The following RUBCN variants were observed in gnomAD, a reference collection of about 807,000 sequenced individuals.
RUBCN encodes the protein run domain Beclin-1-interacting and cysteine-rich domain-containing protein.
In RUBCN, 74 loss-of-function variants were observed where a neutral mutation model predicts 113.2. The ratio of observed to expected loss-of-function variants is 0.65; its 90% CI spans 0.54 to 0.79. The LOEUF is 0.79. Ranked by LOEUF, RUBCN falls within the 30% of genes least tolerant of loss-of-function variation. The pLI is 0.00. For missense variants in RUBCN, 1,109 were observed against 1,251.7 expected (o/e 0.89, Z 1.72); for synonymous variants, 480 against 490.0 (o/e 0.98, Z 0.27).
intron 2 of RUBCN, among the ~76,000 whole-genome samples, chr3:197,709,799 T>C (rs750214445): frequency 1.3e-5 from 2 of 152,118 alleles, no homozygotes; most frequent in Admixed American, 6.6e-5. Flanking sequence ...CCAAATAAAT[T>C]ACAGATGGAA....
chr3:197,683,412 A>G lies in RUBCN; in HGVS notation c.1875T>C (p.Ser625=). Residue 625 remains serine, a synonymous_variant, in exon 13 of 20, where the codon TCT becomes TCC. Transcript: ENST00000296343. This position sits in a 1 kb window ranked among gnomAD's most constrained non-coding sequence, Gnocchi z 4.6. ...GGAGCCCCATGGCCACCGCCTCAGC[A>G]GACGTGGAGTGCAGGAAGCAGTGGG... ...SFSHCFLHST[S]AEAVAMGLLK... 6.2e-7 allele frequency: 1 copy of G among 1,614,184 alleles called. No homozygotes were observed. The highest frequency in any genetic ancestry group is 8.5e-7 in the Non-Finnish European group (1 of 1,180,034).
intron 1 of RUBCN, among the ~76,000 whole-genome samples, chr3:197,743,748 G>A (rs1383813612): frequency 1.3e-5 from 2 of 152,224 alleles, no homozygotes; most frequent in African/African-American, 4.8e-5. Context: ...AACTTTGGGA[G>A]GCCGAGGTGG....
rs1048720624 is a variant in RUBCN, at chr3:197,681,003, G to A, written c.2430+126C>T. 7 of 637,298 alleles carry A rather than the reference G, an allele frequency of 1.1e-5. No homozygotes were observed. The highest frequency in any genetic ancestry group is 1.9e-5 in the African/African-American group (1 of 52,218). The allele number at this position is 637,298 out of a possible 1,614,324, so 39.5% of individuals were successfully genotyped here. A position where few individuals can be genotyped will look rare whatever the true frequency, so the allele number is the denominator to read the frequency against. On this transcript the variant is annotated intron_variant, in intron 16 of 19. Transcript: ENST00000296343. The surrounding 1 kb of genome is among the most constrained non-coding windows in gnomAD (Gnocchi z 5.5). ...AGGGGAGGGGACAAGGAGAGGAGAC[G>A]AGGGGAGGGGATGGGGGGAGGGGAC...
rs552070050 is a variant in RUBCN at position 197,703,979 on chromosome 3, G to A, written c.464-325C>T. Among the ~76,000 whole-genome samples, 45 of 152,278 alleles carry A rather than the reference G, an allele frequency of 3.0e-4. 1 individual carries two copies. The highest frequency in any genetic ancestry group is 2.5e-3 in the South Asian group (12 of 4,818). On this transcript the variant is annotated intron_variant, in intron 4 of 19. Transcript: ENST00000296343. The stretch of plus-strand genomic sequence containing the variant: ...TGTGAAGATACTGGACAGCAGTGAC[G>A]GGCACACAGGAAACTCGTGGTAAAT...
chr3:197,683,291 A>G lies in RUBCN; in HGVS notation c.1980+16T>C. ...TCACGATGGCCCCTGGGTAGGAAGAAGAGCTAAGGACCTACCTTCTGAGGG... is the reference window on the plus strand; with the variant it reads ...TCACGATGGCCCCTGGGTAGGAAGAGGAGCTAAGGACCTACCTTCTGAGGG... On this transcript the variant is annotated intron_variant, in intron 13 of 19. Transcript: ENST00000296343. This position sits in a 1 kb window ranked among gnomAD's most constrained non-coding sequence, Gnocchi z 4.6. 5 of 1,614,184 alleles carry G rather than the reference A, an allele frequency of 3.1e-6. No homozygotes were observed. Among genetic ancestry groups the G allele is most frequent in the Non-Finnish European group, 4.2e-6 (5 of 1,180,002 alleles).
Position 197,676,997 on chromosome 3 carries a change from T to C in RUBCN, c.2534A>G (p.Glu845Gly), listed in dbSNP as rs763007000. 4.3e-6 allele frequency: 7 copies of C among 1,613,916 alleles called. No homozygotes were observed. The highest frequency in any genetic ancestry group is 1.1e-5 in the South Asian group (1 of 91,074). ...ATTCAGTGAGTACAGGTGGAGGTCC[T>C]CTGTCAGGTGGCCTGGGACTGTGTC... ...SFDTVPGHLT[E>G]DLHLYSLNDL... Residue 845 changes from glutamate to glycine, a missense_variant, in exon 18 of 20, where the codon GAG becomes GGG. Glu to Gly is a moderately conservative substitution (Grantham distance 98, BLOSUM62 -2). Coordinates refer to ENST00000296343, the MANE Select transcript of RUBCN (RefSeq NM_014687.4).
intron 8 of RUBCN, among the ~76,000 whole-genome samples, chr3:197,696,372 C>CAAA (rs990625896): frequency 2.4e-4 from 30 of 123,710 alleles, no homozygotes; most frequent in African/African-American, 8.5e-4. Context: ...AACTCTGTCT[C>CAAA]AAAAAAAAAA....
rs551623163 is a variant in RUBCN, at chr3:197,671,690, G to GA, written c.*3327dup. The GA allele has an allele frequency of 4.6e-5, 7 of 152,386 alleles. No individual in the cohort carries two copies. The East Asian group carries it at 1.3e-3, about 29-fold the overall frequency. The allele number at this position is 152,386 out of a possible 1,614,324, so 9.4% of individuals were successfully genotyped here. ...GCTCCAGTGGGCCAGGAGCAGAAGA[G>GA]AAAGATGCTAGCTGCTCACAGAAGT... On this transcript the variant is annotated 3_prime_UTR_variant, in exon 20 of 20. Transcript: ENST00000296343.
intron 2 of RUBCN, among the ~76,000 whole-genome samples, chr3:197,711,217 G>C (rs1370757554): frequency 1.3e-5 from 2 of 152,156 alleles, no homozygotes; most frequent in Admixed American, 1.3e-4. Context: ...AGAATTCTAG[G>C]AATTTATCCT....
intron 1 of RUBCN, among the ~76,000 whole-genome samples, chr3:197,722,731 A>G (rs1344492222): frequency 1.3e-5 from 2 of 152,006 alleles, no homozygotes; most frequent in African/African-American, 4.8e-5. Context: ...GACTCTTTTC[A>G]CAACTTTGGA....
intron 1 of RUBCN, among the ~76,000 whole-genome samples, chr3:197,736,102 T>C (rs1259490870): frequency 7.2e-5 from 11 of 152,104 alleles, no homozygotes; most frequent in African/African-American, 2.7e-4. Context: ...TCATTAGCAG[T>C]CCCCGCCCCA....
intron 2 of RUBCN, among the ~76,000 whole-genome samples, chr3:197,713,020 C>A (rs779149540): frequency 7.2e-5 from 11 of 151,950 alleles, no homozygotes; most frequent in Non-Finnish European, 1.5e-4. Context: ...CCACCACGCC[C>A]GGCTAATTTT....
chr3:197,701,986 G>C, intron 5 of RUBCN, 122 bp from the exon 6 acceptor site: 1 of 866,618 alleles, frequency 1.2e-6, no homozygotes. Context: ...CTGGACTTTA[G>C]CCAGAGCCTG....
chr3:197,745,853 A>G (rs1442267406), intron 1 of RUBCN, among the ~76,000 whole-genome samples: 1 of 152,220 alleles, frequency 6.6e-6, no homozygotes, highest in Non-Finnish European at 1.5e-5. Flanking sequence ...CCTGGCCAAC[A>G]TAGTGAAATG....
At position 197,681,315 on chromosome 3, in the gene RUBCN, C is replaced by T. The variant is rs1035259930; in HGVS notation, c.2244G>A (p.Gln748=). 52 of 1,614,068 alleles carry T rather than the reference C, an allele frequency of 3.2e-5. No homozygotes were observed. The highest frequency in any genetic ancestry group is 4.1e-5 in the Non-Finnish European group (48 of 1,180,032). ...YCEYLGKYFC[Q]CCHENAQMAI... ...CCATCTGGGCATTCTCGTGGCAGCA[C>T]TGGCAGAAGTACTTGCCCAGGTACT... The change falls in exon 16 of 20, where the codon CAG becomes CAA. Residue 748 remains glutamine, a synonymous_variant. Coordinates refer to ENST00000296343, the MANE Select transcript of RUBCN (RefSeq NM_014687.4). This position sits in a 1 kb window ranked among gnomAD's most constrained non-coding sequence, Gnocchi z 5.5.
intron 2 of RUBCN, among the ~76,000 whole-genome samples, chr3:197,716,193 T>C (rs747478003): frequency 1.3e-5 from 2 of 152,204 alleles, no homozygotes; most frequent in Admixed American, 1.3e-4. Context: ...GGTGGCACGG[T>C]CTCAGCTCAC....
At chr3:197,684,689 C>G (rs1580181523) in intron 11 of RUBCN, among the ~76,000 whole-genome samples, 1 of 151,100 alleles carries the variant, frequency 6.6e-6, no homozygotes, top group Non-Finnish European at 1.5e-5. Flanking sequence ...CATATATACA[C>G]ATATATATAC....
Position 197,747,473 on chromosome 3 carries a change from G to A in RUBCN, c.-116+1796C>T, listed in dbSNP as rs1728797085. 2.0e-5 allele frequency among the ~76,000 whole-genome samples: 3 copies of A among 151,548 alleles called. No homozygotes were observed. In the South Asian group the frequency reaches 6.3e-4, roughly 32 times the overall value. On this transcript the variant is annotated intron_variant, in intron 1 of 20. Coordinates refer to the RUBCN transcript ENST00000273582. ...TGGGCTCAAGTGATCCACCTGCCTC[G>A]GCCTCCCAAAGTGCTGGGATTACAA...
upstream of RUBCN, among the ~76,000 whole-genome samples, chr3:197,737,444 TTCAAGGCTGAGTACGGG>T (rs1728274224): frequency 6.6e-6 from 1 of 151,356 alleles, no homozygotes; most frequent in Non-Finnish European, 1.5e-5. Context: ...ACGCAGAGTT[TTCAAGGCTGAGTACGGG>T]TTAGCCAGGA....
Sources: gnomAD v4.1 joint callset for allele counts (sites outside exome capture counted in the v4.1 genomes callset) on GRCh38, gnomAD v4.1.1 for gene constraint, Gnocchi (gnomAD v3.1) non-coding constraint, MANE v1.5 for transcripts, NCBI Gene and HGNC (gene_info 2026-07-23, HGNC 2026-07-21) for gene names.